ELMO2: variants seen among roughly 807,000 people sequenced by gnomAD.
ELMO2 encodes the protein engulfment and cell motility protein 2.
Under a neutral mutation model 96.2 loss-of-function variants are expected in ELMO2, and 37 were observed. The ratio of observed to expected loss-of-function variants is 0.38; its 90% CI spans 0.30 to 0.51. The LOEUF (loss-of-function observed/expected upper bound fraction) is 0.51. ELMO2 is among the 20% of genes least tolerant of loss of function. The pLI is 0.88. For missense variants in ELMO2, 561 were observed against 912.6 expected (o/e 0.61, Z 4.96); for synonymous variants, 315 against 329.4 (o/e 0.96, Z 0.47).
chr20:46,406,226 C>T (rs1397952952), intron 1 of ELMO2, among the ~76,000 whole-genome samples: 1 of 151,942 alleles, frequency 6.6e-6, no homozygotes, highest in African/African-American at 2.4e-5. Flanking sequence ...TCCCACCCAA[C>T]GCCTCCCTCC....
intron 21 of ELMO2, among the ~76,000 whole-genome samples, chr20:46,367,896 T>C (rs2059616320): frequency 6.6e-6 from 1 of 152,116 alleles, no homozygotes; most frequent in African/African-American, 2.4e-5. Flanking sequence ...AAGGGAAATA[T>C]GTATTAGGTG....
intron 1 of ELMO2, among the ~76,000 whole-genome samples, chr20:46,401,251 T>C (rs1555834998): frequency 1.3e-5 from 2 of 152,156 alleles, no homozygotes; most frequent in Non-Finnish European, 2.9e-5. Context: ...GTCCACTGAA[T>C]GACGATCAGA....
At chr20:46,393,795 T>C (rs1312933619) in intron 4 of ELMO2, among the ~76,000 whole-genome samples, 194 bp from the exon 5 acceptor site, 1 of 152,042 alleles carries the variant, frequency 6.6e-6, no homozygotes, top group Non-Finnish European at 1.5e-5. Context: ...CAATAGGAGG[T>C]GTGCAGAACT....
intron 9 of ELMO2, 44 bp downstream of exon 9, chr20:46,386,080 G>C: frequency 1.3e-6 from 2 of 1,592,990 alleles, no homozygotes; most frequent in Non-Finnish European, 8.6e-7. Context: ...GGAGAAAAGA[G>C]GACAGACAAG....
At chr20:46,405,310 C>G (rs565260409) in intron 1 of ELMO2, among the ~76,000 whole-genome samples, 9 of 152,068 alleles carry the variant, frequency 5.9e-5, no homozygotes, top group Non-Finnish European at 1.2e-4. Context: ...AAGCGGAGAT[C>G]TGAAGGATGA....
intron 7 of ELMO2, 191 bp from the exon 8 acceptor site, chr20:46,387,628 G>C: frequency 7.4e-6 from 1 of 134,252 alleles, no homozygotes. Context: ...GGTATCTATC[G>C]CTGCAAAAAA....
chr20:46,369,994 G>A (rs2059668266), intron 20 of ELMO2: 2 of 331,512 alleles, frequency 6.0e-6, no homozygotes, highest in Non-Finnish European at 1.1e-5. Context: ...GTGTGTGTGT[G>A]TGTGTGTGTG....
chr20:46,394,075 T>C lies in ELMO2; in HGVS notation c.93A>G (p.Ala31=). The C allele has an allele frequency of 6.2e-7, 1 of 1,614,014 alleles. No individual in the cohort carries two copies. The highest frequency in any genetic ancestry group is 8.5e-7 in the Non-Finnish European group (1 of 1,179,952). ...CATCACAAACTTCCTTGATAATGGA[T>C]GCCAGGGGCCGTTTCTGAAAGAGAG... is the stretch of plus-strand genomic sequence containing the variant. ...LLEIDQKRPL[A]SIIKEVCDGW... is the part of the protein sequence containing the mutation. The change falls in exon 4 of 22, where the codon GCA becomes GCG. Residue 31 remains alanine (A), a synonymous_variant. Transcript: ENST00000290246.
Position 46,370,537 on chromosome 20 carries a change from T to A in ELMO2, c.1802-12A>T. 6.2e-7 allele frequency: 1 copy of A among 1,613,062 alleles called. No individual in the cohort carries two copies. Among genetic ancestry groups the A allele is most frequent in the Non-Finnish European group, 8.5e-7 (1 of 1,179,106 alleles). On this transcript the variant is annotated splice_polypyrimidine_tract_variant and intron_variant, in intron 19 of 21. Coordinates refer to ENST00000290246, the MANE Select transcript of ELMO2 (RefSeq NM_133171.5). ...GTCTGCAACAGGAACTGATAAATGA[T>A]GGGAATTAGTCTCTGGAAGTTCATG...
In ELMO2 at chr20:46,366,995, G is replaced by C. The variant is rs536148604; in HGVS notation, c.*365C>G. On this transcript the variant is annotated 3_prime_UTR_variant, in exon 22 of 22. Transcript: ENST00000290246. ...CTTTCCTGGGCCAGCTGTTGCTCACGTGGGGATCCAGCTGATCAGAGAGCA... is the reference window on the plus strand; with the variant it reads ...CTTTCCTGGGCCAGCTGTTGCTCACCTGGGGATCCAGCTGATCAGAGAGCA... The C allele has an allele frequency of 1.7e-5, 3 of 175,592 alleles. No individual in the cohort carries two copies. Among genetic ancestry groups the C allele is most frequent in the Admixed American group, 6.3e-5 (1 of 15,898 alleles). 10.9% of individuals were successfully genotyped at this position (175,592 alleles called of 1,614,324 possible). A position where few individuals can be genotyped will look rare whatever the true frequency, so the allele number is the denominator to read the frequency against.
chr20:46,380,155 C>A, intron 11 of ELMO2, 98 bp downstream of exon 11: 1 of 1,043,234 alleles, frequency 9.6e-7, no homozygotes, highest in South Asian at 1.4e-5. Flanking sequence ...CTCTGTGTGT[C>A]CTCCTCACTC....
At chr20:46,373,614 C>G (rs2059779991) in intron 15 of ELMO2, 79 bp from the exon 16 acceptor site, 1 of 1,562,796 alleles carries the variant, frequency 6.4e-7, no homozygotes, top group African/African-American at 1.4e-5. Flanking sequence ...AAACTTTGCA[C>G]CAAAGTCCCG....
At chr20:46,391,582 T>C (rs2060150921) in intron 6 of ELMO2, among the ~76,000 whole-genome samples, 1 of 152,184 alleles carries the variant, frequency 6.6e-6, no homozygotes, top group African/African-American at 2.4e-5. Context: ...TGCAACCATA[T>C]TGGCTGTCTT....
chr20:46,388,248 A>C (rs2060084320), intron 7 of ELMO2, among the ~76,000 whole-genome samples: 1 of 152,238 alleles, frequency 6.6e-6, no homozygotes, highest in Admixed American at 6.5e-5. Flanking sequence ...GAACTATGTC[A>C]GTGCTGATGG....
intron 16 of ELMO2, 178 bp downstream of exon 16, chr20:46,373,221 A>T: frequency 1.3e-6 from 1 of 754,930 alleles, no homozygotes; most frequent in South Asian, 2.0e-5. Context: ...GCTCAAGGTC[A>T]CAGAGGGAGC....
intron 1 of ELMO2, among the ~76,000 whole-genome samples, chr20:46,401,679 T>C (rs1355127504): frequency 6.6e-6 from 1 of 152,202 alleles, no homozygotes; most frequent in African/African-American, 2.4e-5. Context: ...AGATGCCATG[T>C]TCTCACCAGA....
intron 8 of ELMO2, among the ~76,000 whole-genome samples, chr20:46,386,538 G>C (rs183103602): frequency 3.9e-5 from 6 of 152,072 alleles, no homozygotes; most frequent in Admixed American, 1.3e-4. Flanking sequence ...TCAAAATAAG[G>C]GTTCCAGTTT....
At chr20:46,376,717 GTCCCTC>G in intron 11 of ELMO2, 1 of 1,289,284 alleles carries the variant, frequency 7.8e-7, no homozygotes, top group Non-Finnish European at 1.0e-6. Flanking sequence ...TATGAATCCT[GTCCCTC>G]TTGGTTCTTT....
intron 1 of ELMO2, among the ~76,000 whole-genome samples, chr20:46,406,012 G>C (rs559136671): frequency 6.6e-6 from 1 of 152,306 alleles, no homozygotes; most frequent in East Asian, 1.9e-4. Context: ...AAGCGAGAGG[G>C]GCCTGAACTC....
Sources: allele counts gnomAD v4.1 joint callset (sites outside exome capture counted in the v4.1 genomes callset), GRCh38; gene constraint gnomAD v4.1.1; transcripts MANE v1.5; gene names NCBI Gene and HGNC (gene_info 2026-07-23, HGNC 2026-07-21).